PDE8B: variants seen among roughly 807,000 people sequenced by gnomAD.
PDE8B encodes phosphodiesterase 8B.
PDE8B carries 26 observed loss-of-function variants against 101.3 expected under a neutral mutation model. That is an observed-to-expected ratio of 0.26 (90% confidence interval 0.19 to 0.36). PDE8B has a LOEUF of 0.36. Among genes scored for constraint, PDE8B ranks in the 10% least tolerant of loss-of-function variants. The pLI is 1.00. For synonymous variants in PDE8B, 424 were observed against 429.3 expected (o/e 0.99, Z 0.15); for missense variants, 810 against 1,163.1 (o/e 0.70, Z 4.42).
intron 1 of PDE8B, among the ~76,000 whole-genome samples, chr5:77,226,468 A>G (rs1219641533): frequency 1.3e-5 from 2 of 152,100 alleles, no homozygotes; most frequent in Admixed American, 6.5e-5. Context: ...ACTTTGTTTT[A>G]TTCAGCCAGT....
intron 10 of PDE8B, among the ~76,000 whole-genome samples, chr5:77,370,883 C>T (rs1784973402): frequency 6.6e-6 from 1 of 152,204 alleles, no homozygotes; most frequent in Admixed American, 6.5e-5. Context: ...TTGCACTTCT[C>T]TGATGACTAA....
intron 10 of PDE8B, among the ~76,000 whole-genome samples, chr5:77,366,874 C>T (rs945230030): frequency 2.0e-5 from 3 of 151,804 alleles, no homozygotes; most frequent in African/African-American, 7.2e-5. Context: ...TGGATGGCAG[C>T]CCCCCGGTGG....
At chr5:77,282,436 C>T (rs1436936187) in intron 1 of PDE8B, among the ~76,000 whole-genome samples, 2 of 152,128 alleles carry the variant, frequency 1.3e-5, no homozygotes, top group African/African-American at 4.8e-5. Context: ...AGGGAGTTGG[C>T]AGTCAGCAGA....
rs1346039140 is a variant in PDE8B at position 77,211,126 on chromosome 5, C to T, written c.201C>T (p.Val67=). 6.6e-7 allele frequency: 1 copy of T among 1,505,564 alleles called. No individual in the cohort carries two copies. Among genetic ancestry groups the T allele is most frequent in the Admixed American group, 2.1e-5 (1 of 47,950 alleles). The allele number at this position is 1,505,564 out of a possible 1,614,324, so 93.3% of individuals were successfully genotyped here. Residue 67 remains valine, a synonymous_variant, in exon 1 of 22, where the codon GTC becomes GTT. Transcript: ENST00000264917. The surrounding 1 kb of genome is among the most constrained non-coding windows in gnomAD (Gnocchi z 4.1). ...RASGPPSVAR[V]RRARTELGSG... is the part of the protein sequence containing the mutation. ...CGGGACCCCCCAGCGTAGCCCGCGT[C>T]CGCAGGGCCCGCACCGAGCTGGGCA...
In PDE8B at chr5:77,286,652, G is replaced by A. The variant is rs574893440; in HGVS notation, c.340-25342G>A. Among the ~76,000 whole-genome samples the A allele has an allele frequency of 4.6e-5, 7 of 152,268 alleles. No individual in the cohort carries two copies. In the South Asian group the frequency reaches 1.2e-3, roughly 27 times the overall value. ...GGTTGGTGGTTATAGGAATTTACTC[G>A]TTCTTACTGGAAGAGGACCCCAGTT... On this transcript the variant is annotated intron_variant, in intron 1 of 21. Coordinates refer to ENST00000264917, the MANE Select transcript of PDE8B (RefSeq NM_003719.5).
intron 1 of PDE8B, chr5:77,291,944 T>A: frequency 1.4e-6 from 1 of 710,290 alleles, no homozygotes; most frequent in Non-Finnish European, 2.4e-6. Flanking sequence ...CCCAAAGCCC[T>A]GATTAAATCA....
chr5:77,304,923 G>C (rs1469601961), intron 1 of PDE8B, among the ~76,000 whole-genome samples: 2 of 152,208 alleles, frequency 1.3e-5, no homozygotes, highest in Non-Finnish European at 2.9e-5. Flanking sequence ...AATGAACACA[G>C]ATAGCTGTCA....
chr5:77,378,769 T>C (rs1786860579), intron 10 of PDE8B, among the ~76,000 whole-genome samples: 1 of 152,194 alleles, frequency 6.6e-6, no homozygotes, highest in Non-Finnish European at 1.5e-5. Context: ...ATCCAAATGC[T>C]TGGCCCCACC....
At chr5:77,355,449 C>A (rs931814220) in intron 10 of PDE8B, among the ~76,000 whole-genome samples, 2 of 152,156 alleles carry the variant, frequency 1.3e-5, no homozygotes, top group African/African-American at 2.4e-5. Context: ...TGTCTGCAGG[C>A]GGTTCCGGTG....
At chr5:77,390,552 CCA>C (rs542638985) in intron 10 of PDE8B, among the ~76,000 whole-genome samples, 254 of 152,328 alleles carry the variant, frequency 1.7e-3, no homozygotes, top group African/African-American at 5.6e-3. Flanking sequence ...GAGAAACACA[CCA>C]CACTACAGAG....
In PDE8B at chr5:77,412,408, A is replaced by C. The variant is rs531556905; in HGVS notation, c.1712+173A>C. On this transcript the variant is annotated intron_variant, in intron 16 of 21. Coordinates refer to ENST00000264917, the MANE Select transcript of PDE8B (RefSeq NM_003719.5). Reference sequence around the variant, plus strand: ...GCAGAGAGACTATGGCCCCTGAGTGAGATCCTTTGTGGAGAGTATTAGTAA... The same window carrying C: ...GCAGAGAGACTATGGCCCCTGAGTGCGATCCTTTGTGGAGAGTATTAGTAA... 1.5e-3 allele frequency among the ~76,000 whole-genome samples: 233 copies of C among 152,270 alleles called. 3 individuals carry two copies. Among genetic ancestry groups the C allele is most frequent in the African/African-American group, 5.5e-3 (229 of 41,534 alleles).
chr5:77,257,019 A>G (rs896159158), intron 1 of PDE8B, among the ~76,000 whole-genome samples: 35 of 152,328 alleles, frequency 2.3e-4, no homozygotes, highest in African/African-American at 8.2e-4. Flanking sequence ...ATTGAATGGT[A>G]GTGATCGTAC....
At chr5:77,205,947 C>A (rs1747467411), upstream of PDE8B, among the ~76,000 whole-genome samples, 1 of 152,098 alleles carries the variant, frequency 6.6e-6, no homozygotes, top group Non-Finnish European at 1.5e-5. Context: ...CTACCAACAA[C>A]TTTGTACAAA....
intron 10 of PDE8B, among the ~76,000 whole-genome samples, chr5:77,377,900 G>C (rs1786480753): frequency 6.6e-6 from 1 of 151,934 alleles, no homozygotes; most frequent in African/African-American, 2.4e-5. Flanking sequence ...GCCTTCCCTG[G>C]TTCTCAGACT....
chr5:77,149,459 T>G, the PDE8B span, among the ~76,000 whole-genome samples: 14 of 152,268 alleles, frequency 9.2e-5, no homozygotes, highest in African/African-American at 3.4e-4. Context: ...GAGGGGGGAA[T>G]TGCCATCTTG....
chr5:77,395,277 C>T (rs6866209), intron 10 of PDE8B, among the ~76,000 whole-genome samples: 28,882 of 149,846 alleles, frequency 0.19, 3,321 homozygotes, highest in East Asian at 0.38. Flanking sequence ...CCACCACACC[C>T]GGCTACTTTT....
At chr5:77,256,087 C>G (rs1759107832) in intron 1 of PDE8B, among the ~76,000 whole-genome samples, 1 of 152,168 alleles carries the variant, frequency 6.6e-6, no homozygotes, top group Non-Finnish European at 1.5e-5. Context: ...TCATGGGAAA[C>G]TGGAAGTTCC....
intron 10 of PDE8B, among the ~76,000 whole-genome samples, chr5:77,398,148 A>T (rs548047944): frequency 6.6e-6 from 1 of 152,096 alleles, no homozygotes; most frequent in Admixed American, 6.5e-5. Flanking sequence ...ACAGAAGTAA[A>T]TGGAGAAACA....
At chr5:77,276,863 G>T (rs1262461653) in intron 1 of PDE8B, among the ~76,000 whole-genome samples, 2 of 152,146 alleles carry the variant, frequency 1.3e-5, no homozygotes, top group East Asian at 3.9e-4. Flanking sequence ...TGTCCTTACA[G>T]TGAATTTTTA....
Sources: allele counts gnomAD v4.1 joint callset (sites outside exome capture counted in the v4.1 genomes callset), GRCh38; gene constraint gnomAD v4.1.1; non-coding constraint Gnocchi (gnomAD v3.1); transcripts MANE v1.5; gene names NCBI Gene and HGNC (gene_info 2026-07-23, HGNC 2026-07-21).